NTN4: variants seen among roughly 807,000 people sequenced by gnomAD.
NTN4 encodes the protein netrin 4.
In NTN4, 32 loss-of-function variants were observed where a neutral mutation model predicts 73.6. That is an observed-to-expected ratio of 0.44 (90% confidence interval 0.33 to 0.58). The LOEUF (loss-of-function observed/expected upper bound fraction) is 0.58. Ranked by LOEUF, NTN4 falls within the 20% of genes least tolerant of loss-of-function variation. The pLI, the probability that NTN4 is intolerant of heterozygous loss-of-function variation, is 0.04. For missense variants in NTN4, 654 were observed against 798.3 expected (o/e 0.82, Z 2.18); for synonymous variants, 258 against 287.5 (o/e 0.90, Z 1.04).
intron 5 of NTN4, among the ~76,000 whole-genome samples, chr12:95,709,522 C>T (rs1336897440): frequency 2.2e-5 from 3 of 138,762 alleles, no homozygotes; most frequent in African/African-American, 8.0e-5. Context: ...TCCTTCCTTT[C>T]TCTCTCTCTC....
At chr12:95,737,772 T>A in intron 3 of NTN4, 94 bp downstream of exon 3, 2 of 1,252,072 alleles carry the variant, frequency 1.6e-6, no homozygotes, top group South Asian at 1.5e-5. Flanking sequence ...GAGGAAAAAA[T>A]CAGCAGCACT....
At chr12:95,783,804 A>G (rs929332856) in intron 2 of NTN4, among the ~76,000 whole-genome samples, 2 of 152,242 alleles carry the variant, frequency 1.3e-5, no homozygotes, top group African/African-American at 4.8e-5. Context: ...GGAAGTTTCT[A>G]TATAGCAGGT....
intron 3 of NTN4, among the ~76,000 whole-genome samples, chr12:95,731,285 A>C (rs971638507): frequency 1.3e-5 from 2 of 152,282 alleles, no homozygotes; most frequent in East Asian, 3.9e-4. Flanking sequence ...TAAAACAGCT[A>C]GGCCAGGCAT....
intron 2 of NTN4, among the ~76,000 whole-genome samples, chr12:95,751,402 G>A (rs866197214): frequency 1.3e-5 from 2 of 151,886 alleles, no homozygotes; most frequent in Admixed American, 6.6e-5. Flanking sequence ...CGCCTGAACC[G>A]CAGCGGCCAG....
chr12:95,731,394 C>T (rs1448599049), intron 3 of NTN4, among the ~76,000 whole-genome samples: 4 of 152,064 alleles, frequency 2.6e-5, no homozygotes, highest in Non-Finnish European at 5.9e-5. Context: ...ATGGTGAAAC[C>T]CCATCTCTAC....
chr12:95,742,031 T>G (rs1055286942), intron 2 of NTN4, among the ~76,000 whole-genome samples: 1 of 152,210 alleles, frequency 6.6e-6, no homozygotes, highest in South Asian at 2.1e-4. Flanking sequence ...CTTATTTCTC[T>G]AAGCCTCGAA....
At chr12:95,752,162 G>A (rs1258424811) in intron 2 of NTN4, among the ~76,000 whole-genome samples, 2 of 151,672 alleles carry the variant, frequency 1.3e-5, no homozygotes, top group South Asian at 2.1e-4. Context: ...ATCCCATCCT[G>A]CAGCACGCTT....
At chr12:95,692,282 C>A (rs2078407532) in intron 5 of NTN4, among the ~76,000 whole-genome samples, 1 of 151,990 alleles carries the variant, frequency 6.6e-6, no homozygotes. Flanking sequence ...GTGATCCACT[C>A]GCCTCAGCCT....
chr12:95,683,198 T>C (rs2078332569), intron 6 of NTN4, among the ~76,000 whole-genome samples: 1 of 152,198 alleles, frequency 6.6e-6, no homozygotes, highest in Non-Finnish European at 1.5e-5. Flanking sequence ...TAGCCGGGAT[T>C]ACTGGTGCCT....
At chr12:95,723,238 T>G (rs1026090902) in intron 3 of NTN4, among the ~76,000 whole-genome samples, 2 of 152,000 alleles carry the variant, frequency 1.3e-5, no homozygotes, top group Non-Finnish European at 2.9e-5. Context: ...CAAAATTACC[T>G]TTCCTGCTGT....
At chr12:95,733,785 G>C (rs555027757) in intron 3 of NTN4, among the ~76,000 whole-genome samples, 16 of 152,108 alleles carry the variant, frequency 1.1e-4, no homozygotes, top group African/African-American at 3.9e-4. Flanking sequence ...AGACACAGGA[G>C]GGGGCCGGGC....
intron 8 of NTN4, among the ~76,000 whole-genome samples, chr12:95,668,695 A>G (rs1045341277): frequency 6.6e-5 from 10 of 152,350 alleles, no homozygotes; most frequent in African/African-American, 2.4e-4. Flanking sequence ...TTATAGACCA[A>G]TAAAAAGTCT....
At chr12:95,703,929 TAAAAA>T (rs200366055) in intron 5 of NTN4, among the ~76,000 whole-genome samples, 1 of 151,840 alleles carries the variant, frequency 6.6e-6, no homozygotes, top group Admixed American at 6.6e-5. Context: ...CTCTCAACCT[TAAAAA>T]AAAATTTTTA....
chr12:95,700,061 G>A (rs1224712409), intron 5 of NTN4, among the ~76,000 whole-genome samples: 1 of 95,902 alleles, frequency 1.0e-5, no homozygotes, highest in Non-Finnish European at 2.2e-5. Flanking sequence ...TTCAAACAGT[G>A]TATTCTTCTA....
intron 5 of NTN4, among the ~76,000 whole-genome samples, chr12:95,686,729 G>C (rs917406654): frequency 1.3e-5 from 2 of 148,200 alleles, no homozygotes; most frequent in Non-Finnish European, 3.0e-5. Context: ...CTGACCTCCA[G>C]CCTGGGTGAC....
chr12:95,696,163 C>T (rs910553883), intron 5 of NTN4, among the ~76,000 whole-genome samples: 3 of 152,162 alleles, frequency 2.0e-5, no homozygotes, highest in African/African-American at 7.2e-5. Flanking sequence ...TATCTTCGAT[C>T]TCGCCTTTGA....
chr12:95,671,130 C>T (rs981489257), intron 7 of NTN4: 2 of 152,196 alleles, frequency 1.3e-5, no homozygotes, highest in African/African-American at 4.8e-5. Flanking sequence ...TCCTGAGTAG[C>T]TGGGACTACA....
intron 5 of NTN4, among the ~76,000 whole-genome samples, chr12:95,692,283 G>A (rs1430082486): frequency 2.6e-5 from 4 of 152,172 alleles, no homozygotes; most frequent in East Asian, 1.9e-4. Context: ...TGATCCACTC[G>A]CCTCAGCCTC....
intron 3 of NTN4, among the ~76,000 whole-genome samples, chr12:95,724,709 T>C (rs2078678668): frequency 6.6e-6 from 1 of 152,180 alleles, no homozygotes; most frequent in African/African-American, 2.4e-5. Context: ...TCTATAATAC[T>C]ATATGGGAAA....
Sources: gnomAD v4.1 joint callset for allele counts (sites outside exome capture counted in the v4.1 genomes callset) on GRCh38, gnomAD v4.1.1 for gene constraint, MANE v1.5 for transcripts, NCBI Gene and HGNC (gene_info 2026-07-23, HGNC 2026-07-21) for gene names.